Variants in CAMKMT observed in about 807,000 individuals in gnomAD.
CAMKMT encodes CaM KMT.
CAMKMT carries 53 observed loss-of-function variants against 48.0 expected under a neutral mutation model. That is an observed-to-expected ratio of 1.10 (90% CI 0.89 to 1.39). The LOEUF (loss-of-function observed/expected upper bound fraction) is 1.39, where lower values mean the gene tolerates loss of function less well. Ranked by LOEUF, CAMKMT falls within the 40% of genes most tolerant of loss-of-function variation. CAMKMT has a pLI of 0.00. For missense variants in CAMKMT, 428 were observed against 402.7 expected (o/e 1.06, Z -0.54); for synonymous variants, 165 against 152.3 (o/e 1.08, Z -0.61).
At position 44,477,701 on chromosome 2, in the gene CAMKMT, A is replaced by G. The variant is rs138872007; in HGVS notation, c.376+87396A>G. Among the ~76,000 whole-genome samples, 14 of 152,360 alleles carry G rather than the reference A, an allele frequency of 9.2e-5. No homozygotes were observed. The East Asian group carries it at 2.7e-3, about 29-fold the overall frequency. On this transcript the variant is annotated intron_variant, in intron 3 of 10. Coordinates refer to ENST00000378494, the MANE Select transcript of CAMKMT (RefSeq NM_024766.5). ...AACTATGAAAGGAATTGAAGAGTCC[A>G]TCAGAGCTTTTGTTCGCACTAAAGA...
At chr2:44,677,723 G>C (rs1021641896) in intron 3 of CAMKMT, among the ~76,000 whole-genome samples, 1 of 147,406 alleles carries the variant, frequency 6.8e-6, no homozygotes, top group East Asian at 1.9e-4. Flanking sequence ...AAAAAAAAGC[G>C]TATTTACTTT....
chr2:44,641,646 C>G (rs1335798459), intron 3 of CAMKMT, among the ~76,000 whole-genome samples: 1 of 152,146 alleles, frequency 6.6e-6, no homozygotes, highest in Non-Finnish European at 1.5e-5. Context: ...TAACCTCCAT[C>G]TCTTGGCCTC....
intron 3 of CAMKMT, among the ~76,000 whole-genome samples, chr2:44,640,835 A>C (rs147730601): frequency 2.0e-5 from 3 of 152,204 alleles, no homozygotes; most frequent in African/African-American, 7.2e-5. Context: ...TAATATCTCA[A>C]TGTTAATCCA....
chr2:44,682,474 T>G (rs1676078317), intron 3 of CAMKMT, among the ~76,000 whole-genome samples: 1 of 152,208 alleles, frequency 6.6e-6, no homozygotes, highest in African/African-American at 2.4e-5. Flanking sequence ...AAGCATAATC[T>G]TAGGTTGTCA....
chr2:44,569,641 G>T (rs970274737), intron 3 of CAMKMT, among the ~76,000 whole-genome samples: 1 of 152,066 alleles, frequency 6.6e-6, no homozygotes, highest in Non-Finnish European at 1.5e-5. Context: ...GTAGTAGCTG[G>T]CATGATAGAT....
chr2:44,747,303 A>T (rs566905677), intron 8 of CAMKMT, among the ~76,000 whole-genome samples: 1 of 152,316 alleles, frequency 6.6e-6, no homozygotes, highest in East Asian at 1.9e-4. Context: ...TTTTTCCCTC[A>T]AAATGGAAAT....
intron 3 of CAMKMT, among the ~76,000 whole-genome samples, chr2:44,495,984 G>T (rs698824): frequency 0.59 from 90,286 of 152,040 alleles, 27,830 homozygotes; most frequent in Admixed American, 0.68. Context: ...GTAAAGAACA[G>T]TGAATAATCC....
intron 7 of CAMKMT, among the ~76,000 whole-genome samples, chr2:44,732,953 C>G (rs182266016): frequency 6.6e-6 from 1 of 152,248 alleles, no homozygotes; most frequent in Non-Finnish European, 1.5e-5. Context: ...CCAATTTGTT[C>G]TTTTAAGGAT....
chr2:44,415,806 T>C (rs920897882), intron 3 of CAMKMT, among the ~76,000 whole-genome samples: 1 of 152,210 alleles, frequency 6.6e-6, no homozygotes, highest in African/African-American at 2.4e-5. Flanking sequence ...TTCAAAGTAT[T>C]TTGCATCCCC....
chr2:44,458,693 G>GT (rs1264735875), intron 3 of CAMKMT, among the ~76,000 whole-genome samples: 11 of 152,170 alleles, frequency 7.2e-5, no homozygotes, highest in Non-Finnish European at 1.2e-4. Flanking sequence ...TTTCTGTAGT[G>GT]TTTTAACAGT....
At chr2:44,528,015 T>C (rs1666256977) in intron 3 of CAMKMT, among the ~76,000 whole-genome samples, 1 of 152,166 alleles carries the variant, frequency 6.6e-6, no homozygotes, top group Non-Finnish European at 1.5e-5. Flanking sequence ...TATTCGTTCC[T>C]TGTAGTTCTT....
At chr2:44,394,494 C>T (rs1681640637) in intron 3 of CAMKMT, among the ~76,000 whole-genome samples, 1 of 151,594 alleles carries the variant, frequency 6.6e-6, no homozygotes, top group African/African-American at 2.4e-5. Flanking sequence ...ATGGTGCAAT[C>T]TTGGCTCACT....
intron 3 of CAMKMT, among the ~76,000 whole-genome samples, chr2:44,474,114 T>C (rs1668561012): frequency 6.6e-6 from 1 of 152,182 alleles, no homozygotes; most frequent in African/African-American, 2.4e-5. Flanking sequence ...CAGTTCTTCT[T>C]TGGAATTGTG....
intron 2 of CAMKMT, among the ~76,000 whole-genome samples, chr2:44,386,189 G>A (rs1003024524): frequency 6.6e-6 from 1 of 151,860 alleles, no homozygotes; most frequent in African/African-American, 2.4e-5. Flanking sequence ...TAATTCTCAT[G>A]CTTTACTGAC....
intron 3 of CAMKMT, among the ~76,000 whole-genome samples, chr2:44,540,302 C>G (rs894121198): frequency 2.0e-5 from 3 of 152,088 alleles, no homozygotes; most frequent in African/African-American, 4.8e-5. Flanking sequence ...AAGCTGGTCC[C>G]TTTGTCCTTT....
At chr2:44,509,207 C>A (rs1317528615) in intron 3 of CAMKMT, among the ~76,000 whole-genome samples, 1 of 152,076 alleles carries the variant, frequency 6.6e-6, no homozygotes, top group Non-Finnish European at 1.5e-5. Flanking sequence ...TCAGCTCAGC[C>A]AGGATTTGAG....
intron 3 of CAMKMT, among the ~76,000 whole-genome samples, chr2:44,422,193 CT>C (rs1683979604): frequency 6.6e-6 from 1 of 152,144 alleles, no homozygotes; most frequent in Non-Finnish European, 1.5e-5. Flanking sequence ...TGTGTAGCTC[CT>C]CGCTTGCACT....
chr2:44,552,682 A>G (rs1309311986), intron 3 of CAMKMT, among the ~76,000 whole-genome samples: 1 of 152,160 alleles, frequency 6.6e-6, no homozygotes, highest in Non-Finnish European at 1.5e-5. Context: ...TATTATTTCC[A>G]TTTTACATAT....
At chr2:44,578,053 T>C (rs145898198) in intron 3 of CAMKMT, among the ~76,000 whole-genome samples, 1 of 152,298 alleles carries the variant, frequency 6.6e-6, no homozygotes, top group African/African-American at 2.4e-5. Flanking sequence ...TAATAAAATG[T>C]GTATGCTTTT....
Sources: gnomAD v4.1 joint callset for allele counts (sites outside exome capture counted in the v4.1 genomes callset) on GRCh38, gnomAD v4.1.1 for gene constraint, MANE v1.5 for transcripts, NCBI Gene and HGNC (gene_info 2026-07-23, HGNC 2026-07-21) for gene names.